ANKFN1: variants seen among roughly 807,000 people sequenced by gnomAD.
ANKFN1 encodes the protein ankyrin repeat and fibronectin type III domain containing 1, also known as ankyrin repeat and fibronectin type-III domain-containing protein 1.
In ANKFN1, 74 loss-of-function variants were observed where a neutral mutation model predicts 108.7. The ratio of observed to expected loss-of-function variants is 0.68; its 90% confidence interval spans 0.56 to 0.83. ANKFN1 has a LOEUF of 0.83. ANKFN1 is among the 40% of genes least tolerant of loss of function. The probability of loss-of-function intolerance (pLI) is 0.00; values close to 1 mark genes in which losing one functional copy is unlikely to be tolerated. For missense variants in ANKFN1, 1,505 were observed against 1,382.3 expected (o/e 1.09, Z -1.41); for synonymous variants, 547 against 516.2 (o/e 1.06, Z -0.81).
chr17:56,251,325 A>G (rs1330723564), intron 3 of ANKFN1, among the ~76,000 whole-genome samples: 1 of 152,204 alleles, frequency 6.6e-6, no homozygotes, highest in Non-Finnish European at 1.5e-5. Context: ...CTCAGGAGTC[A>G]GAGGTTGCAG....
chr17:56,220,804 GAGGGAGGAAGGA>G (rs1915794043), intron 2 of ANKFN1, among the ~76,000 whole-genome samples: 1 of 75,594 alleles, frequency 1.3e-5, no homozygotes, highest in African/African-American at 7.3e-5. Flanking sequence ...GGAAGGGAGG[GAGGGAGGAAGGA>G]AGGAAGGAAG....
intron 3 of ANKFN1, among the ~76,000 whole-genome samples, chr17:56,254,893 C>T (rs891612434): frequency 2.1e-4 from 32 of 152,318 alleles, no homozygotes; most frequent in African/African-American, 7.0e-4. Context: ...AAATATATGG[C>T]AACCCCCAGA....
chr17:56,385,975 A>T (rs2047254915), intron 8 of ANKFN1, among the ~76,000 whole-genome samples: 1 of 152,204 alleles, frequency 6.6e-6, no homozygotes, highest in Non-Finnish European at 1.5e-5. Context: ...TACTGGGTAT[A>T]TACCCAAAGG....
intron 3 of ANKFN1, among the ~76,000 whole-genome samples, chr17:56,270,505 C>G (rs1280001785): frequency 6.6e-6 from 1 of 152,202 alleles, no homozygotes; most frequent in Non-Finnish European, 1.5e-5. Context: ...ATCATCCTAC[C>G]TCTAGATCCT....
intron 8 of ANKFN1, among the ~76,000 whole-genome samples, chr17:56,401,368 A>ATTGTG (rs71139906): frequency 0.096 from 12,961 of 134,924 alleles, 976 homozygotes; most frequent in South Asian, 0.18. Flanking sequence ...ATTGTATTGT[A>ATTGTG]TTGTGTTGTG....
chr17:56,344,033 T>A (rs2046031103), intron 4 of ANKFN1, among the ~76,000 whole-genome samples: 1 of 151,968 alleles, frequency 6.6e-6, no homozygotes, highest in Non-Finnish European at 1.5e-5. Context: ...ATAGCTAATA[T>A]AAAGGTCTTT....
At chr17:56,274,692 C>T (rs998716199) in intron 3 of ANKFN1, among the ~76,000 whole-genome samples, 2 of 152,114 alleles carry the variant, frequency 1.3e-5, no homozygotes, top group Admixed American at 6.5e-5. Flanking sequence ...CCTAGGGTAA[C>T]CTAACTCTAG....
intron 20 of ANKFN1, among the ~76,000 whole-genome samples, chr17:56,504,196 A>C (rs1189375928): frequency 6.6e-6 from 1 of 152,246 alleles, no homozygotes; most frequent in Non-Finnish European, 1.5e-5. Context: ...CCACTACAGC[A>C]GTGTTTCCCA....
intron 4 of ANKFN1, among the ~76,000 whole-genome samples, chr17:56,080,975 C>A (rs12601207): frequency 6.6e-6 from 1 of 152,116 alleles, no homozygotes; most frequent in Non-Finnish European, 1.5e-5. Context: ...CCTCCATGTT[C>A]AAAGCCGCTT....
rs370716834 is a variant in ANKFN1 at position 56,052,101 on chromosome 17, C to T, written c.288+5776C>T. Among the ~76,000 whole-genome samples, 12 of 151,716 alleles carry T rather than the reference C, an allele frequency of 7.9e-5. No homozygotes were observed. In the East Asian group the frequency reaches 9.7e-4, roughly 12 times the overall value. On this transcript the variant is annotated intron_variant, in intron 4 of 12. Transcript: ENST00000635860. ...GTTCATATGGAACCAAAAAAGAGCC[C>T]GCATTGCCAAGTCAATCCTAAGCCA...
chr17:56,470,845 A>G (rs776870014), intron 15 of ANKFN1, among the ~76,000 whole-genome samples: 6 of 152,164 alleles, frequency 3.9e-5, no homozygotes, highest in Non-Finnish European at 8.8e-5. Flanking sequence ...TGGGAAGGAA[A>G]AGAGAGTTAT....
At chr17:56,114,039 A>C (rs1373437430) in intron 4 of ANKFN1, among the ~76,000 whole-genome samples, 2 of 152,200 alleles carry the variant, frequency 1.3e-5, no homozygotes. Context: ...GAGAGAAGTG[A>C]CTTTACCTAA....
intron 1 of ANKFN1, among the ~76,000 whole-genome samples, chr17:56,185,783 A>G (rs1187753331): frequency 6.6e-6 from 1 of 152,224 alleles, no homozygotes; most frequent in African/African-American, 2.4e-5. Context: ...GGCCATGGCC[A>G]TTTTAATATG....
At chr17:56,271,018 A>AT (rs912324729) in intron 3 of ANKFN1, among the ~76,000 whole-genome samples, 26 of 151,634 alleles carry the variant, frequency 1.7e-4, no homozygotes, top group South Asian at 1.7e-3. Flanking sequence ...TTTTATTTTT[A>AT]TTTTTTTTGG....
chr17:56,171,615 T>C (rs1402349400), intron 1 of ANKFN1, among the ~76,000 whole-genome samples: 2 of 152,200 alleles, frequency 1.3e-5, no homozygotes, highest in African/African-American at 4.8e-5. Context: ...GGGACTGGCA[T>C]TTCACTTTGT....
chr17:56,238,198 TG>T (rs1917297549), intron 3 of ANKFN1, among the ~76,000 whole-genome samples: 1 of 152,152 alleles, frequency 6.6e-6, no homozygotes, highest in South Asian at 2.1e-4. Flanking sequence ...TCTAATTGTG[TG>T]GTCGATTTTA....
chr17:56,313,163 A>G (rs1346615759), intron 3 of ANKFN1, among the ~76,000 whole-genome samples: 4 of 147,258 alleles, frequency 2.7e-5, no homozygotes, highest in African/African-American at 7.3e-5. Context: ...AAAAAAAAAA[A>G]AGAAAAAAAA....
At chr17:56,218,586 T>C (rs1285920487) in intron 2 of ANKFN1, among the ~76,000 whole-genome samples, 1 of 152,194 alleles carries the variant, frequency 6.6e-6, no homozygotes, top group Non-Finnish European at 1.5e-5. Context: ...AATACTCTTT[T>C]CCACCTTTTC....
chr17:56,113,317 A>G (rs1906080124), intron 4 of ANKFN1, among the ~76,000 whole-genome samples: 1 of 152,222 alleles, frequency 6.6e-6, no homozygotes, highest in Non-Finnish European at 1.5e-5. Flanking sequence ...TGAGAACTGT[A>G]CAGAACCCAA....
Sources: gnomAD v4.1 joint callset for allele counts (sites outside exome capture counted in the v4.1 genomes callset) on GRCh38, gnomAD v4.1.1 for gene constraint, MANE v1.5 for transcripts, NCBI Gene and HGNC (gene_info 2026-07-23, HGNC 2026-07-21) for gene names.